TECRL: variants seen among roughly 807,000 people sequenced by gnomAD.
TECRL encodes trans-2,3-enoyl-CoA reductase-like.
TECRL carries 63 observed loss-of-function variants against 52.8 expected under a neutral mutation model. The observed-to-expected ratio is 1.19, with a 90% confidence interval of 0.97 to 1.47. The LOEUF is 1.47. Among genes scored for constraint, TECRL ranks in the 40% most tolerant of loss-of-function variants. TECRL has a pLI of 0.00. For synonymous variants in TECRL, 164 were observed against 141.9 expected, an observed-to-expected ratio of 1.16 and a Z score of -1.10; for missense variants, 482 against 429.6, an observed-to-expected ratio of 1.12 and a Z score of -1.08.
At chr4:64,324,869 T>A (rs1159475983) in intron 3 of TECRL, among the ~76,000 whole-genome samples, 1 of 152,162 alleles carries the variant, frequency 6.6e-6, no homozygotes, top group Non-Finnish European at 1.5e-5. Flanking sequence ...GTAGGCAGAT[T>A]TCTTAGATAA....
intron 11 of TECRL, 44 bp from the exon 12 acceptor site, chr4:64,280,243 T>A: frequency 4.1e-6 from 5 of 1,218,160 alleles, no homozygotes; most frequent in Non-Finnish European, 3.1e-6. Flanking sequence ...CTTATTTCTA[T>A]GAAATGTTAT....
At chr4:64,356,321 G>A (rs961842675) in intron 2 of TECRL, among the ~76,000 whole-genome samples, 4 of 152,072 alleles carry the variant, frequency 2.6e-5, no homozygotes, top group Admixed American at 6.6e-5. Context: ...AGGAGGATTA[G>A]TAAAAGAGGA....
intron 5 of TECRL, 97 bp from the exon 6 acceptor site, chr4:64,310,028 G>A: frequency 4.7e-6 from 3 of 638,610 alleles, no homozygotes; most frequent in Non-Finnish European, 8.0e-6. Context: ...TAATATGCTA[G>A]CTATTGGGAA....
At chr4:64,369,851 A>G (rs1436596850) in intron 2 of TECRL, among the ~76,000 whole-genome samples, 2 of 151,990 alleles carry the variant, frequency 1.3e-5, no homozygotes, top group Non-Finnish European at 2.9e-5. Context: ...AGTATTATAA[A>G]TGTTAATGCA....
chr4:64,285,837 G>A (rs1723051755), intron 9 of TECRL, among the ~76,000 whole-genome samples: 1 of 151,940 alleles, frequency 6.6e-6, no homozygotes, highest in African/African-American at 2.4e-5. Context: ...AGAGAGGGAA[G>A]GCATCATGTG....
At chr4:64,398,416 C>A (rs1284102730) in intron 1 of TECRL, among the ~76,000 whole-genome samples, 1 of 152,102 alleles carries the variant, frequency 6.6e-6, no homozygotes, top group Non-Finnish European at 1.5e-5. Context: ...GTACTGTCCT[C>A]AAAAAAGTGA....
chr4:64,374,072 T>C (rs1320654380), intron 2 of TECRL, among the ~76,000 whole-genome samples: 2 of 99,726 alleles, frequency 2.0e-5, no homozygotes, highest in African/African-American at 7.5e-5. Context: ...TATATATATA[T>C]ATATATATAT....
chr4:64,397,602 G>A (rs1724042497), intron 1 of TECRL: 1 of 151,762 alleles, frequency 6.6e-6, no homozygotes, highest in African/African-American at 2.4e-5. Flanking sequence ...AGCTGGCCCT[G>A]ATTAGGTACT....
intron 2 of TECRL, among the ~76,000 whole-genome samples, chr4:64,333,817 G>A (rs1332858411): frequency 2.4e-5 from 3 of 125,764 alleles, no homozygotes; most frequent in African/African-American, 1.1e-4. Context: ...TCAGGAGATC[G>A]AGACCATCCT....
At chr4:64,308,654 G>C (rs775869930) in intron 6 of TECRL, among the ~76,000 whole-genome samples, 11 of 152,134 alleles carry the variant, frequency 7.2e-5, no homozygotes, top group Non-Finnish European at 4.4e-5. Context: ...CCTAATCACT[G>C]TCTAGTGGCC....
At chr4:64,356,015 T>C (rs922465410) in intron 2 of TECRL, among the ~76,000 whole-genome samples, 4 of 152,052 alleles carry the variant, frequency 2.6e-5, no homozygotes, top group Non-Finnish European at 5.9e-5. Flanking sequence ...TGCCCCAACC[T>C]TGAGCTCACA....
intron 4 of TECRL, among the ~76,000 whole-genome samples, chr4:64,317,460 T>C (rs1326822774): frequency 2.6e-5 from 4 of 152,178 alleles, no homozygotes; most frequent in African/African-American, 9.7e-5. Flanking sequence ...ACTGTCTCTT[T>C]TTCTAAAATT....
intron 1 of TECRL, among the ~76,000 whole-genome samples, chr4:64,396,647 C>T (rs529446455): frequency 6.6e-6 from 1 of 152,066 alleles, no homozygotes; most frequent in Non-Finnish European, 1.5e-5. Flanking sequence ...TAAGGGACCT[C>T]TTTAATTTCC....
At chr4:64,387,692 T>C (rs1217554723) in intron 1 of TECRL, among the ~76,000 whole-genome samples, 1 of 152,072 alleles carries the variant, frequency 6.6e-6, no homozygotes, top group African/African-American at 2.4e-5. Flanking sequence ...TTGTATATCT[T>C]TTCTAGTGAA....
At chr4:64,351,342 G>A (rs1720375422) in intron 2 of TECRL, among the ~76,000 whole-genome samples, 1 of 151,722 alleles carries the variant, frequency 6.6e-6, no homozygotes, top group African/African-American at 2.4e-5. Flanking sequence ...GGTGTGCAGT[G>A]GCATGAGGAT....
At chr4:64,291,841 G>A (rs1013057687) in intron 8 of TECRL, among the ~76,000 whole-genome samples, 3 of 151,894 alleles carry the variant, frequency 2.0e-5, no homozygotes, top group Non-Finnish European at 4.4e-5. Context: ...AAAAAAAGTG[G>A]TAAAGAAGCC....
intron 2 of TECRL, among the ~76,000 whole-genome samples, chr4:64,365,845 C>T (rs748230685): frequency 7.9e-5 from 12 of 151,916 alleles, no homozygotes; most frequent in Non-Finnish European, 1.2e-4. Context: ...TGTCAAACTA[C>T]CAATGACATG....
At chr4:64,366,330 T>A (rs1213226053) in intron 2 of TECRL, among the ~76,000 whole-genome samples, 1 of 152,028 alleles carries the variant, frequency 6.6e-6, no homozygotes, top group East Asian at 1.9e-4. Flanking sequence ...GATAGGGTAA[T>A]ACCATTCCAG....
Position 64,371,501 on chromosome 4 carries a change from A to C in TECRL, c.286+3671T>G, listed in dbSNP as rs560708518. Among the ~76,000 whole-genome samples the C allele has an allele frequency of 5.7e-4, 87 of 151,658 alleles. 1 individual carries two copies. Among genetic ancestry groups the C allele is most frequent in the Middle Eastern group, 3.4e-3 (1 of 294 alleles). ...CTCTGTTAGAGATTTCCTGGCTTAC[A>C]ATAATTCGTGCTGCAGTTCCTATAG... On this transcript the variant is annotated intron_variant, in intron 2 of 11. Transcript: ENST00000381210.
Sources: gnomAD v4.1 joint callset for allele counts (sites outside exome capture counted in the v4.1 genomes callset) on GRCh38, gnomAD v4.1.1 for gene constraint, MANE v1.5 for transcripts, NCBI Gene and HGNC (gene_info 2026-07-23, HGNC 2026-07-21) for gene names.